The following GRIP1 variants were observed in gnomAD, a reference collection of about 807,000 sequenced individuals.
GRIP1 encodes the protein glutamate receptor interacting protein 1, also known as glutamate receptor-interacting protein 1.
A neutral mutation model predicts 129.9 loss-of-function variants in GRIP1; 45 were observed. The ratio of observed to expected loss-of-function variants is 0.35; its 90% CI spans 0.27 to 0.44. The LOEUF is 0.44. GRIP1 is among the 20% of genes least tolerant of loss of function. The pLI is 1.00. For synonymous variants in GRIP1, 530 were observed against 520.8 expected (o/e 1.02, Z -0.24); for missense variants, 1,196 against 1,396.8 (o/e 0.86, Z 2.29).
chr12:67,053,030 T>G (rs1382512622), intron 1 of GRIP1, among the ~76,000 whole-genome samples: 1 of 152,156 alleles, frequency 6.6e-6, no homozygotes, highest in Non-Finnish European at 1.5e-5. Context: ...CAGTGAATAT[T>G]CATTCTTCAT....
intron 1 of GRIP1, among the ~76,000 whole-genome samples, chr12:66,997,328 T>G (rs1334960784): frequency 6.6e-6 from 1 of 151,780 alleles, no homozygotes; most frequent in East Asian, 1.9e-4. Flanking sequence ...TCTGTAATTC[T>G]GGCTACTTGG....
intron 1 of GRIP1, among the ~76,000 whole-genome samples, chr12:66,906,906 C>G (rs1303004536): frequency 6.6e-6 from 1 of 152,124 alleles, no homozygotes; most frequent in East Asian, 1.9e-4. Flanking sequence ...AGACCTTTCC[C>G]CCAGCTTGCC....
intron 1 of GRIP1, among the ~76,000 whole-genome samples, chr12:66,611,511 T>A (rs2064790859): frequency 6.6e-6 from 1 of 152,162 alleles, no homozygotes; most frequent in Non-Finnish European, 1.5e-5. Flanking sequence ...TTTTTGCATT[T>A]CATACTTGTG....
At chr12:66,715,471 T>TGTGTGTGTGTGTGAGA (rs761155485) in intron 1 of GRIP1, among the ~76,000 whole-genome samples, 203 of 110,100 alleles carry the variant, frequency 1.8e-3, no homozygotes, top group South Asian at 6.1e-3. Context: ...TGTGTGTGTG[T>TGTGTGTGTGTGTGAGA]GAGAGAGAGA....
At chr12:66,636,715 C>CTGTGTGTG (rs113361426) in intron 1 of GRIP1, among the ~76,000 whole-genome samples, 4,482 of 145,116 alleles carry the variant, frequency 0.031, 84 homozygotes, top group Middle Eastern at 0.082. Context: ...CATTAGATCT[C>CTGTGTGTG]TGTGTGTGTG....
chr12:66,904,619 G>T (rs1435773958), intron 1 of GRIP1, among the ~76,000 whole-genome samples: 1 of 152,180 alleles, frequency 6.6e-6, no homozygotes, highest in Non-Finnish European at 1.5e-5. Context: ...TGGGCTGGGA[G>T]CAGTGGCTCA....
chr12:66,353,646 C>T, intron 23 of GRIP1, 83 bp from the exon 24 acceptor site: 1 of 1,226,384 alleles, frequency 8.2e-7, no homozygotes, highest in Non-Finnish European at 1.2e-6. Flanking sequence ...AATCTTTTCA[C>T]ACGAATTTAG....
intron 2 of GRIP1, among the ~76,000 whole-genome samples, chr12:66,573,060 A>ATGTATATATGTCGGCATATATATGT (rs752382193): frequency 8.6e-5 from 13 of 151,270 alleles, no homozygotes; most frequent in Non-Finnish European, 1.6e-4. Context: ...CATATAACAT[A>ATGTATATATGTCGGCATATATATGT]TGTATATATG....
chr12:66,535,605 T>G (rs1430190334), intron 4 of GRIP1, among the ~76,000 whole-genome samples: 1 of 152,206 alleles, frequency 6.6e-6, no homozygotes, highest in Non-Finnish European at 1.5e-5. Context: ...GCCATGTAAC[T>G]GCTGACACAG....
intron 1 of GRIP1, among the ~76,000 whole-genome samples, chr12:66,713,096 C>A (rs1219239299): frequency 6.6e-6 from 1 of 152,004 alleles, no homozygotes; most frequent in Non-Finnish European, 1.5e-5. Context: ...GACCAGCAGA[C>A]TATTTTTCTT....
chr12:66,911,327 T>C (rs188935799), intron 1 of GRIP1, among the ~76,000 whole-genome samples: 1 of 152,320 alleles, frequency 6.6e-6, no homozygotes, highest in Non-Finnish European at 1.5e-5. Context: ...AAGGCGGAAA[T>C]CTATGTTCTG....
intron 1 of GRIP1, among the ~76,000 whole-genome samples, chr12:66,879,509 A>T (rs972313175): frequency 2.2e-4 from 33 of 152,082 alleles, no homozygotes; most frequent in African/African-American, 8.0e-4. Flanking sequence ...TAGGCTACAA[A>T]CCAAGGCAGC....
At chr12:67,032,302 C>T (rs1012413860) in intron 1 of GRIP1, among the ~76,000 whole-genome samples, 1 of 152,076 alleles carries the variant, frequency 6.6e-6, no homozygotes, top group African/African-American at 2.4e-5. Context: ...TCATCTTGTT[C>T]CAGAAAGGAT....
intron 1 of GRIP1, among the ~76,000 whole-genome samples, chr12:66,828,494 A>C (rs931899774): frequency 1.3e-5 from 2 of 152,214 alleles, no homozygotes; most frequent in African/African-American, 4.8e-5. Context: ...TTTTCAAAAC[A>C]CATTTATAAC....
intron 1 of GRIP1, among the ~76,000 whole-genome samples, chr12:66,617,263 T>A (rs1389201319): frequency 7.0e-6 from 1 of 142,544 alleles, no homozygotes; most frequent in East Asian, 2.1e-4. Context: ...CAGGTCTGCC[T>A]GTTTCCTCCA....
chr12:66,789,353 C>A (rs2038454944), intron 1 of GRIP1, among the ~76,000 whole-genome samples: 1 of 152,156 alleles, frequency 6.6e-6, no homozygotes, highest in Non-Finnish European at 1.5e-5. Flanking sequence ...CCAGTATTCA[C>A]TAGTTGTGTG....
chr12:66,831,044 A>T (rs1265190310), intron 1 of GRIP1, among the ~76,000 whole-genome samples: 2 of 151,850 alleles, frequency 1.3e-5, no homozygotes, highest in Non-Finnish European at 2.9e-5. Flanking sequence ...ATGCGGTCTC[A>T]CTGTTTTCTA....
chr12:66,957,417 A>AAT (rs60559996), intron 1 of GRIP1, among the ~76,000 whole-genome samples: 30,712 of 147,218 alleles, frequency 0.21, 3,671 homozygotes, highest in East Asian at 0.27. Flanking sequence ...GCTTTAATCT[A>AAT]ATATATATAT....
intron 19 of GRIP1, among the ~76,000 whole-genome samples, chr12:66,390,312 T>C (rs998961422): frequency 6.6e-6 from 1 of 152,234 alleles, no homozygotes; most frequent in African/African-American, 2.4e-5. Context: ...GAAAGTGCTT[T>C]GTAAACTCTA....
Sources: allele counts gnomAD v4.1 joint callset (sites outside exome capture counted in the v4.1 genomes callset), GRCh38; gene constraint gnomAD v4.1.1; transcripts MANE v1.5; gene names NCBI Gene and HGNC (gene_info 2026-07-23, HGNC 2026-07-21).